DLGAP2: variants seen among roughly 807,000 people sequenced by gnomAD.
DLGAP2 encodes DLG associated protein 2, also known as disks large-associated protein 2.
Under a neutral mutation model 100.3 loss-of-function variants are expected in DLGAP2, and 26 were observed. The ratio of observed to expected loss-of-function variants is 0.26; its 90% confidence interval spans 0.19 to 0.36. The LOEUF (loss-of-function observed/expected upper bound fraction) is 0.36, where lower values mean the gene tolerates loss of function less well. Among genes scored for constraint, DLGAP2 ranks in the 10% least tolerant of loss-of-function variants. The probability of loss-of-function intolerance (pLI) is 1.00; values close to 1 mark genes in which losing one functional copy is unlikely to be tolerated. For missense variants in DLGAP2, 1,858 were observed against 1,453.2 expected (o/e 1.28, Z -4.53); for synonymous variants, 886 against 630.1 (o/e 1.41, Z -6.08).
chr8:1,578,503 G>A (rs140817592), intron 6 of DLGAP2, among the ~76,000 whole-genome samples: 18 of 152,180 alleles, frequency 1.2e-4, no homozygotes, highest in African/African-American at 4.1e-4. Flanking sequence ...TCTTTAATTG[G>A]CTGTTATCAG....
chr8:1,141,758 A>G (rs1796525909), intron 2 of DLGAP2, among the ~76,000 whole-genome samples: 1 of 152,226 alleles, frequency 6.6e-6, no homozygotes, highest in Non-Finnish European at 1.5e-5. Context: ...TAACATGAGT[A>G]AAGTGCTTAA....
At chr8:836,502 A>C (rs1796878733) in intron 1 of DLGAP2, among the ~76,000 whole-genome samples, 1 of 152,210 alleles carries the variant, frequency 6.6e-6, no homozygotes, top group African/African-American at 2.4e-5. Flanking sequence ...ATCTCCTGGC[A>C]AGCGTTCGAG....
intron 2 of DLGAP2, among the ~76,000 whole-genome samples, chr8:1,203,391 C>T (rs1289724039): frequency 2.6e-5 from 4 of 151,780 alleles, no homozygotes; most frequent in Non-Finnish European, 5.9e-5. Context: ...GTGACGAGGC[C>T]GCCCACCCTT....
intron 8 of DLGAP2, among the ~76,000 whole-genome samples, chr8:1,641,978 T>C (rs62483076): frequency 0.066 from 1,944 of 29,284 alleles, 52 homozygotes; most frequent in South Asian, 0.08. Context: ...ACCCCGCCGG[T>C]CCCCACCTGT....
At chr8:1,650,959 A>G (rs952896578) in intron 8 of DLGAP2, among the ~76,000 whole-genome samples, 12 of 152,222 alleles carry the variant, frequency 7.9e-5, no homozygotes, top group African/African-American at 2.7e-4. Flanking sequence ...CGGTACGGAC[A>G]TTCCTGCCAT....
Position 829,796 on chromosome 8 carries a change from T to G in DLGAP2, c.19-78116T>G, listed in dbSNP as rs548602411. Among the ~76,000 whole-genome samples, 109 of 152,358 alleles carry G rather than the reference T, an allele frequency of 7.2e-4. 2 individuals carry two copies. In the South Asian group the frequency reaches 0.011, roughly 15 times the overall value. ...ATTTATATTAACGAAAATTGATATC[T>G]TGTGCCTATTATAATAACTGCAGTA... On this transcript the variant is annotated intron_variant, in intron 1 of 14. Transcript: ENST00000637795.
At chr8:997,851 TACACACATACACACAA>T (rs1157755848) in intron 2 of DLGAP2, among the ~76,000 whole-genome samples, 1 of 145,966 alleles carries the variant, frequency 6.9e-6, no homozygotes, top group African/African-American at 2.5e-5. Context: ...TGTGCATACA[TACACACATACACACAA>T]ACACACATAC....
intron 3 of DLGAP2, among the ~76,000 whole-genome samples, chr8:1,337,283 G>C (rs1044875328): frequency 1.2e-5 from 1 of 81,044 alleles, no homozygotes; most frequent in African/African-American, 5.5e-5. Context: ...GATGGTGGTG[G>C]TGGCGATGGT....
intron 2 of DLGAP2, among the ~76,000 whole-genome samples, chr8:1,097,709 C>T (rs1390486424): frequency 3.7e-5 from 5 of 136,102 alleles, no homozygotes; most frequent in African/African-American, 1.2e-4. Flanking sequence ...CAGTGTGAGA[C>T]CCAGCTCCCT....
intron 2 of DLGAP2, among the ~76,000 whole-genome samples, chr8:964,722 C>A (rs1799805276): frequency 6.6e-6 from 1 of 152,206 alleles, no homozygotes; most frequent in South Asian, 2.1e-4. Flanking sequence ...GGCCTTTGGA[C>A]ATTTGCTCTC....
chr8:1,607,708 C>G (rs1056535752), intron 6 of DLGAP2, among the ~76,000 whole-genome samples: 5 of 152,182 alleles, frequency 3.3e-5, no homozygotes, highest in Admixed American at 3.3e-4. Context: ...CGAAGCAGGG[C>G]GAGGCATTGC....
At chr8:1,314,695 C>G (rs141936225) in intron 3 of DLGAP2, among the ~76,000 whole-genome samples, 2,587 of 152,300 alleles carry the variant, frequency 0.017, 24 homozygotes, top group South Asian at 0.027. Context: ...GGGGGCCCCT[C>G]TCCCACCCCT....
chr8:1,430,110 G>T (rs1563142241), intron 3 of DLGAP2, among the ~76,000 whole-genome samples: 2 of 146,498 alleles, frequency 1.4e-5, no homozygotes, highest in African/African-American at 5.0e-5. Flanking sequence ...CACTGCCGCA[G>T]CATTTTGCCT....
rs140478781 is a variant in DLGAP2 at position 1,253,552 on chromosome 8, A to G, written c.74-5299A>G. Reference sequence around the variant, plus strand: ...GAGATGCTGCAGTTTCCTCTTTTCTAGGAGATTAAAATAAGGCACCTTGTG... The same window carrying G: ...GAGATGCTGCAGTTTCCTCTTTTCTGGGAGATTAAAATAAGGCACCTTGTG... On this transcript the variant is annotated intron_variant, in intron 2 of 14. Coordinates refer to ENST00000637795, the MANE Select transcript of DLGAP2 (RefSeq NM_001346810.2). Among the ~76,000 whole-genome samples the G allele has an allele frequency of 2.9e-3, 441 of 152,308 alleles. 2 individuals carry two copies. The highest frequency in any genetic ancestry group is 9.9e-3 in the African/African-American group (412 of 41,574).
intron 3 of DLGAP2, among the ~76,000 whole-genome samples, chr8:1,274,186 T>C (rs1563055456): frequency 6.6e-6 from 1 of 151,864 alleles, no homozygotes; most frequent in African/African-American, 2.4e-5. Flanking sequence ...AAATAAATTA[T>C]GTATTTATAT....
chr8:1,121,303 C>G (rs1222714977), intron 2 of DLGAP2, among the ~76,000 whole-genome samples: 1 of 151,462 alleles, frequency 6.6e-6, no homozygotes, highest in Non-Finnish European at 1.5e-5. Flanking sequence ...GAAGCCATGG[C>G]CACCCATCCT....
Position 952,394 on chromosome 8 carries a change from A to T in DLGAP2, c.73+44428A>T, listed in dbSNP as rs926432783. On this transcript the variant is annotated intron_variant, in intron 2 of 14. Transcript: ENST00000637795. ...ATTATTTAGTGCTTCATTTAAAAAT[A>T]ATCCTTTGGGAGGCCAAGGATCATT... is the stretch of plus-strand genomic sequence containing the variant. Among the ~76,000 whole-genome samples the T allele has an allele frequency of 1.2e-4, 18 of 152,220 alleles. 1 individual carries two copies. The highest frequency in any genetic ancestry group is 4.3e-4 in the African/African-American group (18 of 41,456).
intron 3 of DLGAP2, among the ~76,000 whole-genome samples, chr8:1,431,917 T>C (rs1797458973): frequency 6.8e-6 from 1 of 147,134 alleles, no homozygotes; most frequent in Admixed American, 6.7e-5. Flanking sequence ...CCATCAGGGC[T>C]GAACCCTGCC....
intron 8 of DLGAP2, among the ~76,000 whole-genome samples, chr8:1,644,426 G>T (rs146469276): frequency 1.3e-5 from 2 of 152,134 alleles, no homozygotes; most frequent in Admixed American, 6.5e-5. Flanking sequence ...TGAAATTCTC[G>T]CACCTCCATG....
Sources: allele counts gnomAD v4.1 joint callset (sites outside exome capture counted in the v4.1 genomes callset), GRCh38; gene constraint gnomAD v4.1.1; transcripts MANE v1.5; gene names NCBI Gene and HGNC (gene_info 2026-07-23, HGNC 2026-07-21).